Variants in CCDC180 observed in about 807,000 individuals in gnomAD.
The protein encoded by CCDC180 is coiled-coil domain-containing protein 180.
In CCDC180, 154 loss-of-function variants were observed where a neutral mutation model predicts 209.2. The ratio of observed to expected loss-of-function variants is 0.74; its 90% CI spans 0.65 to 0.84. The LOEUF (loss-of-function observed/expected upper bound fraction) is 0.84. Ranked by LOEUF, CCDC180 falls within the 40% of genes least tolerant of loss-of-function variation. The pLI is 0.00. For synonymous variants in CCDC180, 778 were observed against 749.1 expected (o/e 1.04, Z -0.63); for missense variants, 1,874 against 1,997.3 (o/e 0.94, Z 1.18).
intron 11 of CCDC180, among the ~76,000 whole-genome samples, chr9:97,321,036 A>G (rs577269771): frequency 6.6e-6 from 1 of 152,302 alleles, no homozygotes; most frequent in East Asian, 1.9e-4. Context: ...ATGCTGGGCA[A>G]CGGTGACAAG....
At chr9:97,336,026 T>C (rs1825893157) in intron 18 of CCDC180, among the ~76,000 whole-genome samples, 1 of 152,180 alleles carries the variant, frequency 6.6e-6, no homozygotes, top group Non-Finnish European at 1.5e-5. Context: ...AATGGGGTTG[T>C]TTGATTTTTT....
chr9:97,330,229 A>G, intron 17 of CCDC180, 36 bp downstream of exon 17: 24 of 1,612,972 alleles, frequency 1.5e-5, no homozygotes, highest in Non-Finnish European at 2.0e-5. Context: ...ATTCTCCCAG[A>G]CTTCACTCTT....
intron 4 of CCDC180, among the ~76,000 whole-genome samples, chr9:97,312,895 A>G (rs1833036787): frequency 6.6e-6 from 1 of 151,952 alleles, no homozygotes; most frequent in African/African-American, 2.4e-5. Context: ...TGGCCTCAGC[A>G]TGAAGACTAG....
In CCDC180 at chr9:97,359,908, G is replaced by A. The variant is rs200774742; in HGVS notation, c.3364-74G>A. Reference sequence around the variant, plus strand: ...CCTCATCAGCCCAGCCCCTGTTCCCGCACTTCCCACAGAATCTACCCACCC... The same window carrying A: ...CCTCATCAGCCCAGCCCCTGTTCCCACACTTCCCACAGAATCTACCCACCC... On this transcript the variant is annotated intron_variant, in intron 25 of 36. Transcript: ENST00000529487. The A allele has an allele frequency of 2.7e-3, 4,188 of 1,576,726 alleles. 40 individuals carry two copies. Among genetic ancestry groups the A allele is most frequent in the Middle Eastern group, 0.013 (75 of 5,864 alleles).
At chr9:97,309,261 T>C (rs1205857598) in intron 2 of CCDC180, among the ~76,000 whole-genome samples, 153 bp from the exon 3 acceptor site, 3 of 152,192 alleles carry the variant, frequency 2.0e-5, no homozygotes, top group African/African-American at 7.2e-5. Flanking sequence ...AGCTCTCCTA[T>C]AGGGATATGA....
intron 32 of CCDC180, 131 bp from the exon 33 acceptor site, chr9:97,370,510 C>T: frequency 1.9e-6 from 2 of 1,033,348 alleles, no homozygotes; most frequent in Non-Finnish European, 2.9e-6. Context: ...CACTCTTCTG[C>T]CCACCCATCA....
chr9:97,374,723 G>C, intron 35 of CCDC180, 75 bp downstream of exon 35: 1 of 1,207,250 alleles, frequency 8.3e-7, no homozygotes, highest in Non-Finnish European at 1.2e-6. Context: ...ATGGTTAGGG[G>C]CTTGGACTCT....
intron 3 of CCDC180, 79 bp downstream of exon 3, chr9:97,309,683 G>A (rs911993626): frequency 7.7e-5 from 92 of 1,197,914 alleles, no homozygotes; most frequent in Middle Eastern, 6.8e-4. Context: ...GCCAGCACAA[G>A]ATGAGTAGCC....
intron 22 of CCDC180, among the ~76,000 whole-genome samples, chr9:97,352,305 G>C (rs576765248): frequency 6.6e-6 from 1 of 152,318 alleles, no homozygotes; most frequent in South Asian, 2.1e-4. Context: ...GGAAATTTTA[G>C]AGGAAGGGTA....
chr9:97,376,108 C>T (rs531305671), intron 36 of CCDC180: 1 of 158,832 alleles, frequency 6.3e-6, no homozygotes, highest in East Asian at 1.8e-4. Context: ...CTTGTCCCTT[C>T]TATGCCACTA....
chr9:97,340,911 T>C (rs1229851547), intron 18 of CCDC180, among the ~76,000 whole-genome samples: 1 of 152,216 alleles, frequency 6.6e-6, no homozygotes, highest in Admixed American at 6.5e-5. Flanking sequence ...ACCGTCTCCC[T>C]GTGATGCTGT....
Position 97,359,851 on chromosome 9 carries a change from A to T in CCDC180, c.3364-131A>T, listed in dbSNP as rs890731194. The T allele has an allele frequency of 4.2e-6, 5 of 1,195,146 alleles. No individual in the cohort carries two copies. The South Asian group carries it at 7.2e-5, about 17-fold the overall frequency. The allele number at this position is 1,195,146 out of a possible 1,614,324, so 74.0% of individuals were successfully genotyped here. A position where few individuals can be genotyped will look rare whatever the true frequency, so the allele number is the denominator to read the frequency against. On this transcript the variant is annotated intron_variant, in intron 25 of 36. Transcript: ENST00000529487. Reference sequence around the variant, plus strand: ...CCCACTCCCCAAGGGCCTTCCCTGCATGTGAGGAGCCTCCATTAAGCCAAG... The same window carrying T: ...CCCACTCCCCAAGGGCCTTCCCTGCTTGTGAGGAGCCTCCATTAAGCCAAG...
In CCDC180 at chr9:97,318,550, G is replaced by A; in HGVS notation, c.1047G>A (p.Gln349=). 6.2e-7 allele frequency: 1 copy of A among 1,613,484 alleles called. No individual in the cohort carries two copies. Among genetic ancestry groups the A allele is most frequent in the Non-Finnish European group, 8.5e-7 (1 of 1,179,932 alleles). The change falls in exon 10 of 37, where the codon CAG becomes CAA. Residue 349 remains glutamine, a synonymous_variant. Transcript: ENST00000529487. ...EVMLKTQNVL[Q]QRRLKHLCTI... ...TGCTGAAGACCCAGAACGTCCTGCA[G>A]CAAAGGCGGCTGAAGCATCTCTGCA...
chr9:97,326,628 C>A lies in CCDC180; in HGVS notation c.1620C>A (p.His540Gln). The A allele has an allele frequency of 2.5e-6, 4 of 1,613,754 alleles. No homozygotes were observed. The highest frequency in any genetic ancestry group is 2.5e-6 in the Non-Finnish European group (3 of 1,179,694). Residue 540 changes from histidine (H) to glutamine (Q), a missense_variant, in exon 15 of 37, where the codon CAC (histidine) becomes CAA (glutamine). His to Gln is a conservative substitution (Grantham distance 24). Transcript: ENST00000529487. ...QQSDKETLAFHLEKVKDYLKN... is the reference protein window; with the variant it reads ...QQSDKETLAFQLEKVKDYLKN... ...GTGACAAAGAAACACTGGCGTTTCA[C>A]CTGGAAAAGGTCAAAGATTATCTGA...
intron 8 of CCDC180, 69 bp downstream of exon 8, chr9:97,315,015 C>A (rs1230006951): frequency 8.4e-7 from 1 of 1,188,836 alleles, no homozygotes; most frequent in South Asian, 1.2e-5. Flanking sequence ...CAGGGCACCC[C>A]GAGCCTGGTG....
In CCDC180 at chr9:97,312,057, G is replaced by A. The variant is rs550203915; in HGVS notation, c.261-56G>A. 8.7e-6 allele frequency: 13 copies of A among 1,501,394 alleles called. No homozygotes were observed. The South Asian group carries it at 9.1e-5, about 10-fold the overall frequency. 93.0% of individuals were successfully genotyped at this position (1,501,394 alleles called of 1,614,324 possible). A position where few individuals can be genotyped will look rare whatever the true frequency, so the allele number is the denominator to read the frequency against. On this transcript the variant is annotated intron_variant, in intron 3 of 36. Coordinates refer to ENST00000529487, the MANE Select transcript of CCDC180 (RefSeq NM_020893.6). Reference sequence around the variant, plus strand: ...CCCCTTGGTGCCCTTATGTGCCAGAGCTGCCATGGATGGCATCAGGAGCTG... The same window carrying A: ...CCCCTTGGTGCCCTTATGTGCCAGAACTGCCATGGATGGCATCAGGAGCTG...
intron 28 of CCDC180, among the ~76,000 whole-genome samples, chr9:97,363,003 A>T (rs1826809391): frequency 6.6e-6 from 1 of 152,226 alleles, no homozygotes; most frequent in Non-Finnish European, 1.5e-5. Flanking sequence ...AGCAAAGGCT[A>T]TTGACTCAGA....
intron 32 of CCDC180, among the ~76,000 whole-genome samples, chr9:97,370,283 ACTC>A (rs1165206656): frequency 6.6e-6 from 1 of 151,230 alleles, no homozygotes; most frequent in East Asian, 1.9e-4. Flanking sequence ...TGTTCAGTAA[ACTC>A]CTTGTTGGCT....
intron 18 of CCDC180, among the ~76,000 whole-genome samples, chr9:97,335,702 A>G (rs1257568656): frequency 6.6e-6 from 1 of 152,198 alleles, no homozygotes. Context: ...CAGTAATGGG[A>G]TCACTGGGTC....
Sources: allele counts gnomAD v4.1 joint callset (sites outside exome capture counted in the v4.1 genomes callset), GRCh38; gene constraint gnomAD v4.1.1; transcripts MANE v1.5; gene names NCBI Gene and HGNC (gene_info 2026-07-23, HGNC 2026-07-21).